Variants in KIAA0513 observed in about 807,000 individuals in gnomAD.
KIAA0513 encodes KIAA0513.
A neutral mutation model predicts 56.5 loss-of-function variants in KIAA0513; 39 were observed. The ratio of observed to expected loss-of-function variants is 0.69; its 90% CI spans 0.53 to 0.90. The LOEUF (loss-of-function observed/expected upper bound fraction) is 0.90, where lower values mean the gene tolerates loss of function less well. Among genes scored for constraint, KIAA0513 ranks in the 40% least tolerant of loss-of-function variants. The pLI is 0.00. For missense variants in KIAA0513, 591 were observed against 535.2 expected, an observed-to-expected ratio of 1.10 and a Z score of -1.03; for synonymous variants, 268 against 215.6, an observed-to-expected ratio of 1.24 and a Z score of -2.13.
At chr16:85,080,270 C>T (rs1567545107) in intron 8 of KIAA0513, among the ~76,000 whole-genome samples, 1 of 152,282 alleles carries the variant, frequency 6.6e-6, no homozygotes, top group African/African-American at 2.4e-5. Flanking sequence ...TTTTCATTGT[C>T]ACTTGGCAAA....
Position 85,088,565 on chromosome 16 carries a change from T to C in KIAA0513, c.*240T>C. On this transcript the variant is annotated 3_prime_UTR_variant, in exon 13 of 13. Transcript: ENST00000683363. The stretch of plus-strand genomic sequence containing the variant: ...TTGGGTCACACAGCTAAAGCCGAGG[T>C]GACCAGTTGTACCCCGAGTGCCAGG... 1.8e-6 allele frequency: 1 copy of C among 548,474 alleles called. No homozygotes were observed. Among genetic ancestry groups the C allele is most frequent in the South Asian group, 2.2e-5 (1 of 45,130 alleles). The allele number at this position is 548,474 out of a possible 1,614,324, so 34.0% of individuals were successfully genotyped here.
rs1262063851 is a variant in KIAA0513, at chr16:85,091,267, C to T, written c.*2942C>T. On this transcript the variant is annotated 3_prime_UTR_variant, in exon 13 of 13. Coordinates refer to ENST00000683363, the MANE Select transcript of KIAA0513 (RefSeq NM_001388359.1). Reference sequence around the variant, plus strand: ...GAAAACAGGACATGTTGACAGGCAGCATGGTATGTTTTTAGCCTTTGTTAC... The same window carrying T: ...GAAAACAGGACATGTTGACAGGCAGTATGGTATGTTTTTAGCCTTTGTTAC... 2 of 152,200 alleles carry T rather than the reference C, an allele frequency of 1.3e-5. No individual in the cohort carries two copies. The highest frequency in any genetic ancestry group is 2.9e-5 in the Non-Finnish European group (2 of 68,046). The allele number at this position is 152,200 out of a possible 1,614,324, so 9.4% of individuals were successfully genotyped here.
At chr16:85,058,656 A>C (rs78802395) in intron 1 of KIAA0513, among the ~76,000 whole-genome samples, 5 of 52,520 alleles carry the variant, frequency 9.5e-5, no homozygotes, top group Admixed American at 2.6e-4. Context: ...CCATCTCACA[A>C]AAAAAAAAAA....
chr16:85,093,597 C>T lies in KIAA0513; in HGVS notation c.*5272C>T, dbSNP rs748892720. The T allele has an allele frequency of 6.6e-5, 10 of 152,508 alleles. No homozygotes were observed. Among genetic ancestry groups the T allele is most frequent in the Non-Finnish European group, 1.3e-4 (9 of 68,054 alleles). 9.4% of individuals were successfully genotyped at this position (152,508 alleles called of 1,614,324 possible). A position where few individuals can be genotyped will look rare whatever the true frequency, so the allele number is the denominator to read the frequency against. On this transcript the variant is annotated 3_prime_UTR_variant, in exon 13 of 13. Coordinates refer to ENST00000683363, the MANE Select transcript of KIAA0513 (RefSeq NM_001388359.1). ...CCTCCTTAATCCTAGATGATTTGCTCATGAAATAGAGGTGGGGGACGACCG... is the reference window on the plus strand; with the variant it reads ...CCTCCTTAATCCTAGATGATTTGCTTATGAAATAGAGGTGGGGGACGACCG...
intron 5 of KIAA0513, among the ~76,000 whole-genome samples, 190 bp from the exon 6 acceptor site, chr16:85,077,235 C>T (rs548732301): frequency 3.3e-5 from 5 of 152,284 alleles, no homozygotes; most frequent in South Asian, 2.1e-4. Flanking sequence ...GGGGCACTCA[C>T]GGGGAGCAGG....
chr16:85,052,720 C>T (rs892015866), intron 1 of KIAA0513, among the ~76,000 whole-genome samples: 1 of 152,094 alleles, frequency 6.6e-6, no homozygotes, highest in Non-Finnish European at 1.5e-5. Context: ...GAGTGAATGG[C>T]ATCATCACTG....
intron 1 of KIAA0513, among the ~76,000 whole-genome samples, chr16:85,060,183 A>T (rs1281116843): frequency 6.6e-6 from 1 of 151,906 alleles, no homozygotes; most frequent in African/African-American, 2.4e-5. Flanking sequence ...CTGGTCTTGA[A>T]CTCCTGACCT....
chr16:85,049,783 G>A (rs1302510925), intron 1 of KIAA0513, among the ~76,000 whole-genome samples: 2 of 152,100 alleles, frequency 1.3e-5, no homozygotes, highest in East Asian at 1.9e-4. Context: ...ACCCAGTCTC[G>A]GGTATTTCGT....
At chr16:85,060,877 G>A (rs1248735097) in intron 1 of KIAA0513, among the ~76,000 whole-genome samples, 1 of 151,586 alleles carries the variant, frequency 6.6e-6, no homozygotes, top group Non-Finnish European at 1.5e-5. Flanking sequence ...AAAAAGACTG[G>A]GCCCAGTGGC....
chr16:85,083,472 G>C (rs1217719537), intron 10 of KIAA0513, among the ~76,000 whole-genome samples: 1 of 151,766 alleles, frequency 6.6e-6, no homozygotes, highest in Admixed American at 6.7e-5. Context: ...CTCCTTTCAT[G>C]AACAAAGCCC....
chr16:85,045,624 G>A (rs752180289), intron 1 of KIAA0513, among the ~76,000 whole-genome samples: 6 of 152,118 alleles, frequency 3.9e-5, no homozygotes, highest in Non-Finnish European at 7.4e-5. Flanking sequence ...CCAAAGTTCT[G>A]GATTACAGGC....
chr16:85,030,051 A>G (rs2072941395), intron 1 of KIAA0513, among the ~76,000 whole-genome samples: 1 of 152,178 alleles, frequency 6.6e-6, no homozygotes, highest in Non-Finnish European at 1.5e-5. Flanking sequence ...TGTGCCTCAC[A>G]CGAGGGGTCC....
chr16:85,035,337 G>A (rs2073020669), intron 1 of KIAA0513, among the ~76,000 whole-genome samples: 1 of 152,202 alleles, frequency 6.6e-6, no homozygotes, highest in Non-Finnish European at 1.5e-5. Flanking sequence ...AGAAACGCTG[G>A]TAGCACAGGC....
At chr16:85,058,260 G>C (rs1412198685) in intron 1 of KIAA0513, among the ~76,000 whole-genome samples, 1 of 152,160 alleles carries the variant, frequency 6.6e-6, no homozygotes, top group Non-Finnish European at 1.5e-5. Flanking sequence ...ATGTATCAGG[G>C]AGCTCTTCTC....
chr16:85,048,966 AGT>A (rs1271512970), intron 1 of KIAA0513, among the ~76,000 whole-genome samples: 1 of 152,130 alleles, frequency 6.6e-6, no homozygotes, highest in Admixed American at 6.6e-5. Flanking sequence ...GCAAAGGTGC[AGT>A]GTGTGTGTGA....
chr16:85,064,254 C>T (rs1192777559), intron 1 of KIAA0513, among the ~76,000 whole-genome samples: 1 of 152,144 alleles, frequency 6.6e-6, no homozygotes, highest in Admixed American at 6.5e-5. Flanking sequence ...GATCCACCCG[C>T]CTCAGCCTCC....
At chr16:85,078,485 G>A (rs771784633) in intron 7 of KIAA0513, 30 bp downstream of exon 7, 27 of 1,608,192 alleles carry the variant, frequency 1.7e-5, no homozygotes, top group Admixed American at 1.5e-4. Context: ...AGCAGGAGAC[G>A]CCCAGCCCAC....
At position 85,091,452 on chromosome 16, in the gene KIAA0513, G is replaced by A. The variant is rs2073866692; in HGVS notation, c.*3127G>A. ...CTGTATGATTTTCCTATTGCCAAAA[G>A]AAAGAAAGGGGGCCAAACAGCTCTG... On this transcript the variant is annotated 3_prime_UTR_variant, in exon 13 of 13. Coordinates refer to ENST00000683363, the MANE Select transcript of KIAA0513 (RefSeq NM_001388359.1). 6.6e-6 allele frequency: 1 copy of A among 152,140 alleles called. No homozygotes were observed. Among genetic ancestry groups the A allele is most frequent in the African/African-American group, 2.4e-5 (1 of 41,422 alleles). The allele number at this position is 152,140 out of a possible 1,614,324, so 9.4% of individuals were successfully genotyped here. A position where few individuals can be genotyped will look rare whatever the true frequency, so the allele number is the denominator to read the frequency against.
intron 1 of KIAA0513, among the ~76,000 whole-genome samples, chr16:85,045,958 T>C (rs1299557969): frequency 6.6e-6 from 1 of 151,982 alleles, no homozygotes; most frequent in Non-Finnish European, 1.5e-5. Context: ...CAGCCGACAA[T>C]GTGCATCTCA....
Sources: gnomAD v4.1 joint callset for allele counts (sites outside exome capture counted in the v4.1 genomes callset) on GRCh38, gnomAD v4.1.1 for gene constraint, MANE v1.5 for transcripts, NCBI Gene and HGNC (gene_info 2026-07-23, HGNC 2026-07-21) for gene names.